Variants in BCKDHB observed in about 807,000 individuals in gnomAD.
The protein encoded by BCKDHB is 2-oxoisovalerate dehydrogenase subunit beta, mitochondrial.
BCKDHB carries 41 observed loss-of-function variants against 48.5 expected under a neutral mutation model. The observed-to-expected ratio is 0.85, with a 90% CI of 0.66 to 1.10. The LOEUF (loss-of-function observed/expected upper bound fraction) is 1.10. Ranked by LOEUF, BCKDHB falls within the 50% of genes least tolerant of loss-of-function variation. The pLI is 0.00. For missense variants in BCKDHB, 496 were observed against 494.2 expected, an observed-to-expected ratio of 1.00 and a Z score of -0.03; for synonymous variants, 201 against 174.8, an observed-to-expected ratio of 1.15 and a Z score of -1.18.
At chr6:80,431,837 G>T in the BCKDHB span, among the ~76,000 whole-genome samples, 2 of 150,984 alleles carry the variant, frequency 1.3e-5, no homozygotes, top group Admixed American at 1.3e-4. Context: ...TTAATCTATT[G>T]TCCTATCCAT....
chr6:80,129,042 T>TC, intron 2 of BCKDHB, 119 bp from the exon 3 acceptor site: 1 of 782,866 alleles, frequency 1.3e-6, no homozygotes, highest in East Asian at 2.8e-5. Context: ...TTGATCGAGA[T>TC]CTATGGTCCA....
the BCKDHB span, among the ~76,000 whole-genome samples, chr6:80,403,639 G>A: frequency 6.6e-6 from 1 of 151,808 alleles, no homozygotes; most frequent in East Asian, 1.9e-4. Flanking sequence ...GTGAGATTGG[G>A]CATCATTATC....
At chr6:80,427,856 T>C in the BCKDHB span, among the ~76,000 whole-genome samples, 1 of 152,222 alleles carries the variant, frequency 6.6e-6, no homozygotes, top group African/African-American at 2.4e-5. Context: ...ACATAATGTG[T>C]TTTCCCCTTC....
At chr6:80,326,060 CATTA>C (rs1474822337) in intron 9 of BCKDHB, among the ~76,000 whole-genome samples, 1 of 152,036 alleles carries the variant, frequency 6.6e-6, no homozygotes, top group Non-Finnish European at 1.5e-5. Flanking sequence ...AATACTGGTT[CATTA>C]ATTGTGACAA....
intron 8 of BCKDHB, among the ~76,000 whole-genome samples, chr6:80,227,734 T>G (rs1775739639): frequency 6.6e-6 from 1 of 152,220 alleles, no homozygotes; most frequent in Non-Finnish European, 1.5e-5. Flanking sequence ...TTTATGAATC[T>G]GAAAGTGTTG....
chr6:80,295,622 G>GAA (rs56998407), intron 9 of BCKDHB, among the ~76,000 whole-genome samples: 7 of 136,478 alleles, frequency 5.1e-5, no homozygotes, highest in African/African-American at 1.4e-4. Context: ...CCTGTTACCA[G>GAA]AAAAAAAAAA....
At chr6:80,251,050 A>G (rs971852388) in intron 8 of BCKDHB, among the ~76,000 whole-genome samples, 2 of 152,180 alleles carry the variant, frequency 1.3e-5, no homozygotes, top group African/African-American at 4.8e-5. Context: ...TGGCTTCACT[A>G]CTGACTAGAT....
intron 6 of BCKDHB, among the ~76,000 whole-genome samples, chr6:80,198,577 A>G (rs1465339555): frequency 3.3e-5 from 5 of 152,212 alleles, no homozygotes; most frequent in Non-Finnish European, 7.3e-5. Context: ...CCCATAAAGC[A>G]CCCATTACAT....
intron 3 of BCKDHB, among the ~76,000 whole-genome samples, chr6:80,141,412 G>T (rs1007722718): frequency 1.3e-5 from 2 of 152,096 alleles, no homozygotes; most frequent in African/African-American, 4.8e-5. Context: ...TTGTGAACGA[G>T]ATTTTCTGAG....
chr6:80,285,458 A>G (rs1351332500), intron 9 of BCKDHB, among the ~76,000 whole-genome samples: 1 of 152,172 alleles, frequency 6.6e-6, no homozygotes, highest in African/African-American at 2.4e-5. Flanking sequence ...ACCTATATCT[A>G]TACTGAGTCA....
intron 2 of BCKDHB, 48 bp from the exon 3 acceptor site, chr6:80,129,113 A>G (rs1397091630): frequency 1.5e-6 from 2 of 1,306,456 alleles, no homozygotes; most frequent in South Asian, 1.3e-5. Flanking sequence ...TGTTAGTATT[A>G]TTTAGAGATT....
At chr6:80,264,633 TTGA>T (rs1379720343) in intron 8 of BCKDHB, among the ~76,000 whole-genome samples, 4 of 152,098 alleles carry the variant, frequency 2.6e-5, no homozygotes, top group Non-Finnish European at 5.9e-5. Flanking sequence ...ATGTGTGACA[TTGA>T]TGATGTCAGG....
At chr6:80,398,087 G>C in the BCKDHB span, among the ~76,000 whole-genome samples, 1 of 152,158 alleles carries the variant, frequency 6.6e-6, no homozygotes, top group Non-Finnish European at 1.5e-5. Context: ...AGAGTGTTAA[G>C]AGAAAACTTT....
chr6:80,365,616 A>G, the BCKDHB span, among the ~76,000 whole-genome samples: 3 of 152,118 alleles, frequency 2.0e-5, no homozygotes, highest in East Asian at 5.8e-4. Flanking sequence ...CTGTTATTCT[A>G]TTCTTTTTCA....
At chr6:80,245,086 A>T (rs1582430923) in intron 8 of BCKDHB, among the ~76,000 whole-genome samples, 1 of 149,824 alleles carries the variant, frequency 6.7e-6, no homozygotes, top group Non-Finnish European at 1.5e-5. Context: ...ATCTTCTGTG[A>T]TTTTTTTTTT....
chr6:80,363,673 T>G, the BCKDHB span, among the ~76,000 whole-genome samples: 1 of 152,214 alleles, frequency 6.6e-6, no homozygotes, highest in African/African-American at 2.4e-5. Context: ...AGCACAGGGC[T>G]GTGGGCCAAG....
At chr6:80,430,242 T>G in the BCKDHB span, among the ~76,000 whole-genome samples, 4 of 152,238 alleles carry the variant, frequency 2.6e-5, no homozygotes, top group Non-Finnish European at 5.9e-5. Flanking sequence ...ATAAGCTTTT[T>G]GATCTGCTGC....
At chr6:80,413,171 C>T in the BCKDHB span, among the ~76,000 whole-genome samples, 739 of 152,132 alleles carry the variant, frequency 4.9e-3, 5 homozygotes, top group African/African-American at 0.017. Flanking sequence ...CTATAAATCC[C>T]GAGGGCTTTC....
chr6:80,121,244 C>G (rs1770002737), intron 1 of BCKDHB, among the ~76,000 whole-genome samples: 1 of 152,140 alleles, frequency 6.6e-6, no homozygotes, highest in Non-Finnish European at 1.5e-5. Context: ...GTACCAGTAC[C>G]ATGCTGTTTT....
Sources: gnomAD v4.1 joint callset for allele counts (sites outside exome capture counted in the v4.1 genomes callset) on GRCh38, gnomAD v4.1.1 for gene constraint, MANE v1.5 for transcripts, NCBI Gene and HGNC (gene_info 2026-07-23, HGNC 2026-07-21) for gene names.